Variants in ALKBH5 observed in about 807,000 individuals in gnomAD.
ALKBH5 encodes the protein RNA demethylase ALKBH5.
ALKBH5 carries 2 observed loss-of-function variants against 32.1 expected under a neutral mutation model. The ratio of observed to expected loss-of-function variants is 0.06; its 90% CI spans 0.03 to 0.20. ALKBH5 has a LOEUF of 0.20. Ranked by LOEUF, ALKBH5 falls within the 10% of genes least tolerant of loss-of-function variation. The pLI, the probability that ALKBH5 is intolerant of heterozygous loss-of-function variation, is 1.00. For missense variants in ALKBH5, 352 were observed against 559.5 expected (o/e 0.63, Z 3.74); for synonymous variants, 300 against 231.7 (o/e 1.29, Z -2.68).
chr17:18,184,475 A>AAGG lies in ALKBH5; in HGVS notation c.242_244dup (p.Glu81dup), dbSNP rs776137348. 6.2e-7 allele frequency: 1 copy of AAGG among 1,612,592 alleles called. No individual in the cohort carries two copies. On this transcript the variant is annotated inframe_insertion, in exon 1 of 4. Transcript: ENST00000399138. Reference sequence around the variant, plus strand: ...CGACTATGAGGAGCAGCAGCTGCAGAAGGAGGAGGAGGCGCGCAAGGTGAA... The same window carrying AAGG: ...CGACTATGAGGAGCAGCAGCTGCAGAAGGAGGAGGAGGAGGCGCGCAAGGTGAA...
chr17:18,186,894 G>C (rs1214962118), intron 1 of ALKBH5, among the ~76,000 whole-genome samples: 1 of 152,112 alleles, frequency 6.6e-6, no homozygotes, highest in East Asian at 1.9e-4. Flanking sequence ...ATCTGTAAGT[G>C]GGGATGATGC....
At position 18,184,568 on chromosome 17, in the gene ALKBH5, G is replaced by C; in HGVS notation, c.325G>C (p.Glu109Gln). The part of the protein sequence containing the change: ...ECAKIEARID[E>Q]VVSRAEKGLY... ...CGCCAAGATCGAGGCCCGCATTGAC[G>C]AGGTGGTGTCCCGCGCTGAGAAGGG... Residue 109 changes from glutamate to glutamine, a missense_variant, in exon 1 of 4, where the codon GAG becomes CAG. Glu to Gln is a conservative substitution (Grantham distance 29). Transcript: ENST00000399138. 6.2e-7 allele frequency: 1 copy of C among 1,613,366 alleles called. No homozygotes were observed. The highest frequency in any genetic ancestry group is 2.2e-5 in the East Asian group (1 of 44,876).
intron 2 of ALKBH5, 92 bp from the exon 3 acceptor site, chr17:18,206,723 G>C (rs2047270811): frequency 7.0e-7 from 1 of 1,420,106 alleles, no homozygotes. Context: ...GGTCTAGCTG[G>C]CTCCCACTTG....
At chr17:18,194,350 C>A (rs1463451774) in intron 1 of ALKBH5, among the ~76,000 whole-genome samples, 1 of 152,094 alleles carries the variant, frequency 6.6e-6, no homozygotes, top group Non-Finnish European at 1.5e-5. Context: ...GATGGGGTTT[C>A]GCCATGTTGG....
At position 18,201,785 on chromosome 17, in the gene ALKBH5, A is replaced by G. The variant is rs550859064; in HGVS notation, c.852-5030A>G. On this transcript the variant is annotated intron_variant, in intron 2 of 3. Transcript: ENST00000399138. ...TAGATAGATAGATAGATAGATAGAT[A>G]GGATAGATAAGATAGATAGATAGAT... 2.4e-3 allele frequency among the ~76,000 whole-genome samples: 254 copies of G among 107,762 alleles called. 1 individual carries two copies. The highest frequency in any genetic ancestry group is 8.1e-3 in the African/African-American group (239 of 29,340). The allele number at this position is 107,762 out of a possible 152,430, so 70.7% of individuals were successfully genotyped here.
intron 1 of ALKBH5, among the ~76,000 whole-genome samples, chr17:18,188,011 A>G (rs1448256448): frequency 6.6e-6 from 1 of 152,228 alleles, no homozygotes; most frequent in African/African-American, 2.4e-5. Flanking sequence ...AAACCTGGGC[A>G]TTTAGAACAA....
chr17:18,200,494 T>C (rs73980849), intron 2 of ALKBH5, among the ~76,000 whole-genome samples: 2,640 of 152,238 alleles, frequency 0.017, 56 homozygotes, highest in African/African-American at 0.05. Context: ...TTTGGTCAAG[T>C]GGAACTCAGC....
Position 18,183,901 on chromosome 17 carries a change from G to C in ALKBH5, c.-343G>C. On this transcript the variant is annotated 5_prime_UTR_variant, in exon 1 of 4. Coordinates refer to ENST00000399138, the MANE Select transcript of ALKBH5 (RefSeq NM_017758.4). ...GTGACGTCGTGCGGAGAGCTTTAAAGTGCGGGCCGGGCCGGGCGTCCGAGG... is the reference window on the plus strand; with the variant it reads ...GTGACGTCGTGCGGAGAGCTTTAAACTGCGGGCCGGGCCGGGCGTCCGAGG... The C allele has an allele frequency of 2.0e-6, 1 of 490,960 alleles. No individual in the cohort carries two copies. The highest frequency in any genetic ancestry group is 3.8e-6 in the Non-Finnish European group (1 of 260,228). The allele number at this position is 490,960 out of a possible 1,614,324, so 30.4% of individuals were successfully genotyped here.
At chr17:18,203,209 T>C (rs568753178) in intron 2 of ALKBH5, among the ~76,000 whole-genome samples, 1 of 152,270 alleles carries the variant, frequency 6.6e-6, no homozygotes, top group Non-Finnish European at 1.5e-5. Context: ...TGTGAGCCAC[T>C]GTGCCTGGCC....
chr17:18,202,778 A>T (rs987974395), intron 2 of ALKBH5, among the ~76,000 whole-genome samples: 1 of 146,598 alleles, frequency 6.8e-6, no homozygotes, highest in Non-Finnish European at 1.5e-5. Context: ...TTTTTTAATT[A>T]AAAAAAAAAA....
At chr17:18,203,012 G>A (rs1463337458) in intron 2 of ALKBH5, among the ~76,000 whole-genome samples, 2 of 150,654 alleles carry the variant, frequency 1.3e-5, no homozygotes, top group African/African-American at 2.4e-5. Context: ...AGGTGGAGGT[G>A]CAGTGAACCA....
intron 2 of ALKBH5, among the ~76,000 whole-genome samples, chr17:18,203,071 T>TAAAAAA (rs771396075): frequency 7.5e-6 from 1 of 133,504 alleles, no homozygotes; most frequent in Non-Finnish European, 1.6e-5. Flanking sequence ...GATTGTCTTT[T>TAAAAAA]AAAAAAAAAA....
Position 18,184,291 on chromosome 17 carries a change from C to G in ALKBH5, c.48C>G (p.Ser16=), listed in dbSNP as rs1339855818. ...GYTDLREKLK[S]MTSRDNYKAG... ...CGGACCTGCGTGAGAAGCTCAAGTC[C>G]ATGACGTCCCGGGACAACTATAAGG... Residue 16 remains serine, a synonymous_variant, in exon 1 of 4, where the codon TCC becomes TCG. Coordinates refer to ENST00000399138, the MANE Select transcript of ALKBH5 (RefSeq NM_017758.4). 6.5e-7 allele frequency: 1 copy of G among 1,527,764 alleles called. No individual in the cohort carries two copies. The allele number at this position is 1,527,764 out of a possible 1,614,324, so 94.6% of individuals were successfully genotyped here.
At chr17:18,204,450 A>T (rs1301988785) in intron 2 of ALKBH5, among the ~76,000 whole-genome samples, 1 of 30,096 alleles carries the variant, frequency 3.3e-5, no homozygotes, top group East Asian at 2.6e-4. Flanking sequence ...AAACTCTCTT[A>T]AAAAAAAAAA....
At chr17:18,201,619 G>A (rs938678779) in intron 2 of ALKBH5, among the ~76,000 whole-genome samples, 6 of 152,092 alleles carry the variant, frequency 3.9e-5, no homozygotes, top group East Asian at 3.9e-4. Flanking sequence ...TTAGCCGGGC[G>A]TGGTAGCATG....
chr17:18,189,287 C>T (rs1412530947), intron 1 of ALKBH5, among the ~76,000 whole-genome samples: 2 of 151,998 alleles, frequency 1.3e-5, no homozygotes, highest in Non-Finnish European at 2.9e-5. Flanking sequence ...GATGCTGAGG[C>T]GGCAGAATGG....
chr17:18,195,122 T>TG (rs2047197769), intron 2 of ALKBH5, 87 bp downstream of exon 2: 1 of 1,086,136 alleles, frequency 9.2e-7, no homozygotes, highest in African/African-American at 1.6e-5. Context: ...TCAGCTCCTA[T>TG]GTATCAGTGG....
intron 2 of ALKBH5, among the ~76,000 whole-genome samples, chr17:18,203,489 C>CTCACATGCCCGAGG (rs1361107917): frequency 6.6e-6 from 1 of 152,232 alleles, no homozygotes; most frequent in Non-Finnish European, 1.5e-5. Flanking sequence ...CACGGTCAAC[C>CTCACATGCCCGAGG]TCACATGCCC....
intron 2 of ALKBH5, 82 bp from the exon 3 acceptor site, chr17:18,206,733 G>A: frequency 1.3e-6 from 2 of 1,518,446 alleles, no homozygotes; most frequent in South Asian, 2.5e-5. Context: ...GCTCCCACTT[G>A]GCCTGGCCAG....
Sources: allele counts gnomAD v4.1 joint callset (sites outside exome capture counted in the v4.1 genomes callset), GRCh38; gene constraint gnomAD v4.1.1; transcripts MANE v1.5; gene names NCBI Gene and HGNC (gene_info 2026-07-23, HGNC 2026-07-21).